The following TENM3 variants were observed in gnomAD, a reference collection of about 807,000 sequenced individuals.
TENM3 encodes teneurin transmembrane protein 3, also known as teneurin-3.
TENM3 carries 63 observed loss-of-function variants against 255.1 expected under a neutral mutation model. The observed-to-expected ratio is 0.25, with a 90% CI of 0.20 to 0.30. TENM3 has a LOEUF of 0.30. Ranked by LOEUF, TENM3 falls within the 10% of genes least tolerant of loss-of-function variation. The pLI is 1.00. For missense variants in TENM3, 2,929 were observed against 3,461.1 expected, an observed-to-expected ratio of 0.85 and a Z score of 3.86; for synonymous variants, 1,306 against 1,322.3, an observed-to-expected ratio of 0.99 and a Z score of 0.27.
chr4:181,935,392 C>G, the TENM3 span, among the ~76,000 whole-genome samples: 1 of 152,256 alleles, frequency 6.6e-6, no homozygotes, highest in Non-Finnish European at 1.5e-5. Context: ...CCACCATAGC[C>G]TGCTAGGCTA....
chr4:181,758,123 A>G, the TENM3 span, among the ~76,000 whole-genome samples: 1 of 152,052 alleles, frequency 6.6e-6, no homozygotes, highest in Non-Finnish European at 1.5e-5. Flanking sequence ...GCTGCTCCCC[A>G]CCTCACTTCC....
the TENM3 span, among the ~76,000 whole-genome samples, chr4:181,450,268 G>T: frequency 6.6e-6 from 1 of 152,096 alleles, no homozygotes; most frequent in African/African-American, 2.4e-5. Context: ...TGATACAATG[G>T]GTTCTATTCT....
the TENM3 span, among the ~76,000 whole-genome samples, chr4:181,586,632 G>A: frequency 3.9e-5 from 6 of 152,080 alleles, no homozygotes; most frequent in Admixed American, 1.3e-4. Flanking sequence ...ACGAGGTCGG[G>A]AGTTCAAGAC....
the TENM3 span, among the ~76,000 whole-genome samples, chr4:182,108,482 T>C: frequency 6.6e-6 from 1 of 152,194 alleles, no homozygotes. Flanking sequence ...CCAAACAAGT[T>C]GAATCACAAA....
chr4:181,622,759 G>A, the TENM3 span, among the ~76,000 whole-genome samples: 8 of 152,100 alleles, frequency 5.3e-5, no homozygotes, highest in Admixed American at 5.2e-4. Context: ...CTGAGATAAT[G>A]GGCATATAAA....
At chr4:182,122,934 G>A in the TENM3 span, among the ~76,000 whole-genome samples, 1 of 152,194 alleles carries the variant, frequency 6.6e-6, no homozygotes, top group Admixed American at 6.5e-5. Flanking sequence ...TGGATAACTT[G>A]TTGCAGCTTC....
chr4:182,505,409 T>A (rs932105507), intron 3 of TENM3, among the ~76,000 whole-genome samples: 12 of 152,308 alleles, frequency 7.9e-5, no homozygotes, highest in African/African-American at 9.6e-5. Flanking sequence ...TACATTTTTT[T>A]AAAGATTTCT....
the TENM3 span, among the ~76,000 whole-genome samples, chr4:181,686,924 AAACTTT>A: frequency 6.6e-6 from 1 of 152,116 alleles, no homozygotes; most frequent in African/African-American, 2.4e-5. Context: ...CCCCTCTTTT[AAACTTT>A]ATGTTTTCTT....
chr4:182,486,322 G>GGC (rs1491079584), intron 3 of TENM3, among the ~76,000 whole-genome samples: 6 of 141,204 alleles, frequency 4.2e-5, no homozygotes, highest in Admixed American at 3.6e-4. Context: ...GTGTGGGGGG[G>GGC]AGGGTGGGTG....
At chr4:182,151,876 T>C (rs1427614020) in intron 1 of TENM3, among the ~76,000 whole-genome samples, 1 of 152,006 alleles carries the variant, frequency 6.6e-6, no homozygotes, top group Non-Finnish European at 1.5e-5. Flanking sequence ...ATATTATAGA[T>C]ATGTGATGAA....
At chr4:182,280,106 G>A (rs1760274895) in intron 1 of TENM3, among the ~76,000 whole-genome samples, 1 of 152,146 alleles carries the variant, frequency 6.6e-6, no homozygotes, top group Non-Finnish European at 1.5e-5. Flanking sequence ...AGAAAATCCA[G>A]CTTCCCCAGT....
the TENM3 span, among the ~76,000 whole-genome samples, chr4:181,944,035 T>G: frequency 6.6e-6 from 1 of 152,176 alleles, no homozygotes; most frequent in African/African-American, 2.4e-5. Context: ...GTTCTGTCAG[T>G]TGTACAAGTC....
At chr4:181,651,635 A>G in the TENM3 span, among the ~76,000 whole-genome samples, 21 of 152,220 alleles carry the variant, frequency 1.4e-4, no homozygotes, top group African/African-American at 3.9e-4. Flanking sequence ...TTTGTAACCT[A>G]TACTAGGCAT....
chr4:181,625,696 C>A, the TENM3 span, among the ~76,000 whole-genome samples: 1 of 151,956 alleles, frequency 6.6e-6, no homozygotes, highest in Non-Finnish European at 1.5e-5. Context: ...CGCCTGTAGT[C>A]CCAGCCACTC....
chr4:181,884,069 T>C, the TENM3 span, among the ~76,000 whole-genome samples: 21 of 152,274 alleles, frequency 1.4e-4, 1 homozygote, highest in South Asian at 3.7e-3. Context: ...ATTCTCATTA[T>C]TTACATGGAA....
the TENM3 span, among the ~76,000 whole-genome samples, chr4:181,473,408 G>A: frequency 0.023 from 3,568 of 151,892 alleles, 125 homozygotes; most frequent in African/African-American, 0.082. Context: ...GACAGCATAG[G>A]GAGAACCCAT....
chr4:182,444,862 G>A (rs1460581183), intron 3 of TENM3, among the ~76,000 whole-genome samples: 2 of 152,044 alleles, frequency 1.3e-5, no homozygotes, highest in Admixed American at 6.6e-5. Context: ...ATGCAATGGC[G>A]CGATCTGGGC....
At chr4:182,764,097 ATGC>A (rs1763452657) in intron 22 of TENM3, among the ~76,000 whole-genome samples, 1 of 152,258 alleles carries the variant, frequency 6.6e-6, no homozygotes, top group Admixed American at 6.5e-5. Flanking sequence ...AAAAGCAGCT[ATGC>A]CACCTAAAAG....
chr4:182,094,504 C>A, the TENM3 span, among the ~76,000 whole-genome samples: 8 of 152,176 alleles, frequency 5.3e-5, no homozygotes, highest in Non-Finnish European at 1.5e-5. Context: ...CCTCGGCATC[C>A]CAAAGTGCTG....
Sources: gnomAD v4.1 joint callset for allele counts (sites outside exome capture counted in the v4.1 genomes callset) on GRCh38, gnomAD v4.1.1 for gene constraint, MANE v1.5 for transcripts, NCBI Gene and HGNC (gene_info 2026-07-23, HGNC 2026-07-21) for gene names.